SPINK13: variants seen among roughly 807,000 people sequenced by gnomAD.
SPINK13 encodes the protein serine protease inhibitor Kazal-type 13.
In SPINK13, 11 loss-of-function variants were observed where a neutral mutation model predicts 11.0. The ratio of observed to expected loss-of-function variants is 1.00; its 90% CI spans 0.63 to 1.65. SPINK13 has a LOEUF of 1.65. Ranked by LOEUF, SPINK13 falls within the 40% of genes most tolerant of loss-of-function variation. SPINK13 has a pLI of 0.00. For synonymous variants in SPINK13, 31 were observed against 35.6 expected (o/e 0.87, Z 0.46); for missense variants, 113 against 117.7 (o/e 0.96, Z 0.19).
chr5:148,286,080 T>C lies in SPINK13; in HGVS notation c.*32T>C, dbSNP rs758993465. Reference sequence around the variant, plus strand: ...CCAGAGTAACTACACTTGCTTATTCTTTTTCTACTTAATTCAGAATAGTAT... The same window carrying C: ...CCAGAGTAACTACACTTGCTTATTCCTTTTCTACTTAATTCAGAATAGTAT... On this transcript the variant is annotated 3_prime_UTR_variant, in exon 5 of 5. Transcript: ENST00000398450. 13 of 1,308,906 alleles carry C rather than the reference T, an allele frequency of 9.9e-6. No individual in the cohort carries two copies. The highest frequency in any genetic ancestry group is 1.4e-5 in the Non-Finnish European group (13 of 952,668). The allele number at this position is 1,308,906 out of a possible 1,614,324, so 81.1% of individuals were successfully genotyped here.
chr5:148,272,084 A>G (rs1756359985), intron 2 of SPINK13, among the ~76,000 whole-genome samples: 2 of 152,176 alleles, frequency 1.3e-5, no homozygotes, highest in African/African-American at 4.8e-5. Context: ...TAATATCCCA[A>G]TGTGCGACCA....
intron 3 of SPINK13, among the ~76,000 whole-genome samples, chr5:148,281,434 TC>T (rs1756513367): frequency 1.3e-5 from 2 of 152,158 alleles, no homozygotes. Context: ...TGAGGGAATC[TC>T]CTGGTCTGCA....
At chr5:148,285,811 A>T (rs1382854140) in intron 4 of SPINK13, among the ~76,000 whole-genome samples, 189 bp from the exon 5 acceptor site, 2 of 152,084 alleles carry the variant, frequency 1.3e-5, no homozygotes, top group East Asian at 3.9e-4. Context: ...TGAATAATCA[A>T]GACATGGAGA....
rs746029113 is a variant in SPINK13 at position 148,279,091 on chromosome 5, C to CTTT, written c.109-2990_109-2988dup. ...TCAGAGACTAGAATTGCAACCCCTGCTTTTTTTTTTTTTTTTTTTTTTTTT... is the reference window on the plus strand; with the variant it reads ...TCAGAGACTAGAATTGCAACCCCTGCTTTTTTTTTTTTTTTTTTTTTTTTTTTT... On this transcript the variant is annotated intron_variant, in intron 3 of 4. Coordinates refer to ENST00000398450, the MANE Select transcript of SPINK13 (RefSeq NM_001040129.3). Among the ~76,000 whole-genome samples the CTTT allele has an allele frequency of 3.8e-3, 195 of 51,662 alleles. 3 individuals carry two copies. The highest frequency in any genetic ancestry group is 9.4e-3 in the African/African-American group (118 of 12,542). The allele number at this position is 51,662 out of a possible 152,430, so 33.9% of individuals were successfully genotyped here.
rs186617788 is a variant in SPINK13, at chr5:148,269,957, T to C, written c.-33-83T>C. The C allele has an allele frequency of 7.7e-4, 731 of 954,324 alleles. 1 individual carries two copies. The highest frequency in any genetic ancestry group is 1.1e-3 in the Non-Finnish European group (686 of 618,862). The allele number at this position is 954,324 out of a possible 1,614,324, so 59.1% of individuals were successfully genotyped here. A position where few individuals can be genotyped will look rare whatever the true frequency, so the allele number is the denominator to read the frequency against. ...CACCAGGGCAAGTGTACAGGAATGG[T>C]ATCACCTTAGGGTATTGTGTTCTCT... is the stretch of plus-strand genomic sequence containing the variant. On this transcript the variant is annotated intron_variant, in intron 1 of 4. Coordinates refer to ENST00000398450, the MANE Select transcript of SPINK13 (RefSeq NM_001040129.3).
At chr5:148,281,439 G>A (rs1055328409) in intron 3 of SPINK13, among the ~76,000 whole-genome samples, 4 of 152,166 alleles carry the variant, frequency 2.6e-5, no homozygotes, top group African/African-American at 9.7e-5. Flanking sequence ...GAATCTCCTG[G>A]TCTGCAGGTT....
chr5:148,284,634 G>T (rs1561753921), intron 4 of SPINK13, among the ~76,000 whole-genome samples: 1 of 152,156 alleles, frequency 6.6e-6, no homozygotes. Flanking sequence ...GGGGCAAGAA[G>T]AATAGTCCTA....
chr5:148,269,937 G>C lies in SPINK13; in HGVS notation c.-33-103G>C, dbSNP rs561969193. On this transcript the variant is annotated intron_variant, in intron 1 of 4. Coordinates refer to ENST00000398450, the MANE Select transcript of SPINK13 (RefSeq NM_001040129.3). ...GAGACCAGGTCAGTATAAATCACCAGGGCAAGTGTACAGGAATGGTATCAC... is the reference window on the plus strand; with the variant it reads ...GAGACCAGGTCAGTATAAATCACCACGGCAAGTGTACAGGAATGGTATCAC... 1.4e-4 allele frequency: 101 copies of C among 718,578 alleles called. 1 individual carries two copies. The African/African-American group carries it at 1.6e-3, about 11-fold the overall frequency. The allele number at this position is 718,578 out of a possible 1,614,324, so 44.5% of individuals were successfully genotyped here. A position where few individuals can be genotyped will look rare whatever the true frequency, so the allele number is the denominator to read the frequency against.
chr5:148,281,261 C>G (rs1295210981), intron 3 of SPINK13, among the ~76,000 whole-genome samples: 1 of 152,168 alleles, frequency 6.6e-6, no homozygotes, highest in African/African-American at 2.4e-5. Context: ...ACTTGGCTCC[C>G]TGGCTTCAGC....
intron 4 of SPINK13, among the ~76,000 whole-genome samples, chr5:148,282,722 A>C (rs561668485): frequency 6.6e-6 from 1 of 152,374 alleles, no homozygotes; most frequent in East Asian, 1.9e-4. Context: ...GTGGTCTTAC[A>C]TGCATAAAAA....
chr5:148,285,915 C>T, intron 4 of SPINK13, 85 bp from the exon 5 acceptor site: 4 of 781,888 alleles, frequency 5.1e-6, no homozygotes, highest in Non-Finnish European at 8.0e-6. Context: ...TTCAGGACCT[C>T]TTTTAGAAGA....
rs577446620 is a variant in SPINK13 at position 148,278,007 on chromosome 5, C to T, written c.108+3623C>T. Among the ~76,000 whole-genome samples the T allele has an allele frequency of 2.2e-4, 34 of 152,046 alleles. No individual in the cohort carries two copies. The South Asian group carries it at 5.6e-3, about 25-fold the overall frequency. On this transcript the variant is annotated intron_variant, in intron 3 of 4. Transcript: ENST00000398450. The stretch of plus-strand genomic sequence containing the variant: ...TCTTCCTGGTTTAGTCTTGGGAGGA[C>T]GTATGTGTCCAGGAATTTATCCATT...
chr5:148,274,644 T>C (rs1756398288), intron 3 of SPINK13, among the ~76,000 whole-genome samples: 1 of 151,328 alleles, frequency 6.6e-6, no homozygotes, highest in African/African-American at 2.4e-5. Context: ...ACATGGGAGG[T>C]TGAGTTGGGA....
Position 148,283,824 on chromosome 5 carries a change from A to G in SPINK13, c.236+1593A>G, listed in dbSNP as rs181165092. ...TATACTCTGTGGTGTTTGTACACAC[A>G]CTACTAAAAAGAGCAGTGTAAGAGG... is the stretch of plus-strand genomic sequence containing the variant. On this transcript the variant is annotated intron_variant, in intron 4 of 4. Coordinates refer to ENST00000398450, the MANE Select transcript of SPINK13 (RefSeq NM_001040129.3). Among the ~76,000 whole-genome samples the G allele has an allele frequency of 5.8e-3, 883 of 152,320 alleles. 10 individuals carry two copies. Among genetic ancestry groups the G allele is most frequent in the Middle Eastern group, 0.014 (4 of 294 alleles).
rs377047383 is a variant in SPINK13 at position 148,280,915 on chromosome 5, G to A, written c.109-1189G>A. ...CCTTCCCCCAGGTGCTCTGTCCTAG[G>A]GAGATGGAAGTTTTATCTATAAGCC... is the stretch of plus-strand genomic sequence containing the variant. On this transcript the variant is annotated intron_variant, in intron 3 of 4. Transcript: ENST00000398450. 1.6e-4 allele frequency among the ~76,000 whole-genome samples: 24 copies of A among 152,296 alleles called. No individual in the cohort carries two copies. The South Asian group carries it at 3.7e-3, about 24-fold the overall frequency.
At chr5:148,275,609 A>G (rs1307867021) in intron 3 of SPINK13, among the ~76,000 whole-genome samples, 1 of 152,072 alleles carries the variant, frequency 6.6e-6, no homozygotes, top group Non-Finnish European at 1.5e-5. Context: ...CAACAGTGAA[A>G]AAGCATTCCT....
At chr5:148,279,651 T>C (rs753145348) in intron 3 of SPINK13, among the ~76,000 whole-genome samples, 3 of 152,220 alleles carry the variant, frequency 2.0e-5, no homozygotes, top group Non-Finnish European at 4.4e-5. Context: ...AGAGATCCAC[T>C]GTTAGTTTGA....
At position 148,274,389 on chromosome 5, in the gene SPINK13, ATTTAAAT is replaced by A; in HGVS notation, c.108+8_108+14del. On this transcript the variant is annotated splice_donor_region_variant and intron_variant, in intron 3 of 4. Coordinates refer to ENST00000398450, the MANE Select transcript of SPINK13 (RefSeq NM_001040129.3). ...GACTTCACTAGGTGGCCTAAGGTAA[ATTTAAAT>A]TTCTCAGTTCTAGGTTGTAATTCTA... 6.2e-7 allele frequency: 1 copy of A among 1,610,340 alleles called. No individual in the cohort carries two copies. Among genetic ancestry groups the A allele is most frequent in the South Asian group, 1.1e-5 (1 of 90,908 alleles).
chr5:148,275,896 C>A (rs191654161), intron 3 of SPINK13, among the ~76,000 whole-genome samples: 2 of 151,994 alleles, frequency 1.3e-5, no homozygotes, highest in African/African-American at 4.8e-5. Flanking sequence ...CTCCTGACCT[C>A]GTGGTCTGCC....
Sources: allele counts gnomAD v4.1 joint callset (sites outside exome capture counted in the v4.1 genomes callset), GRCh38; gene constraint gnomAD v4.1.1; transcripts MANE v1.5; gene names NCBI Gene and HGNC (gene_info 2026-07-23, HGNC 2026-07-21).